RNF121: variants seen among roughly 807,000 people sequenced by gnomAD.
The protein encoded by RNF121 is ring finger protein 121.
Under a neutral mutation model 46.5 loss-of-function variants are expected in RNF121, and 21 were observed. That is an observed-to-expected ratio of 0.45 (90% CI 0.32 to 0.65). The LOEUF (loss-of-function observed/expected upper bound fraction) is 0.65, where lower values mean the gene tolerates loss of function less well. Among genes scored for constraint, RNF121 ranks in the 30% least tolerant of loss-of-function variants. RNF121 has a pLI of 0.04. For synonymous variants in RNF121, 139 were observed against 144.7 expected, an observed-to-expected ratio of 0.96 and a Z score of 0.28; for missense variants, 346 against 416.0, an observed-to-expected ratio of 0.83 and a Z score of 1.46.
At chr11:71,988,102 T>G (rs899171743) in intron 5 of RNF121, among the ~76,000 whole-genome samples, 2 of 152,200 alleles carry the variant, frequency 1.3e-5, no homozygotes, top group Non-Finnish European at 2.9e-5. Flanking sequence ...TGTTTTCAAT[T>G]TAGTATTATC....
chr11:71,933,953 G>C (rs1180362052), intron 1 of RNF121, among the ~76,000 whole-genome samples: 1 of 152,174 alleles, frequency 6.6e-6, no homozygotes, highest in Non-Finnish European at 1.5e-5. Flanking sequence ...TTGAGTTATT[G>C]GATGAAATCG....
rs1453106830 is a variant in RNF121 at position 71,994,799 on chromosome 11, C to T, written c.708C>T (p.Asp236=). 5 of 1,614,108 alleles carry T rather than the reference C, an allele frequency of 3.1e-6. No homozygotes were observed. Among genetic ancestry groups the T allele is most frequent in the Admixed American group, 1.7e-5 (1 of 60,016 alleles). The change falls in exon 7 of 9, where the codon GAC becomes GAT. Residue 236 remains aspartate (D), a synonymous_variant. Transcript: ENST00000361756. The part of the protein sequence containing the change: ...CAVCGQQIFV[D]VSEEGIIENT... ...TGTGTGGGCAGCAGATCTTTGTGGA[C>T]GTCAGTGAAGAGGGGATCATTGAGA...
chr11:71,939,876 A>G (rs1012790103), intron 1 of RNF121, among the ~76,000 whole-genome samples: 2 of 152,230 alleles, frequency 1.3e-5, no homozygotes, highest in Admixed American at 6.5e-5. Context: ...TAAAGAAGTT[A>G]TGGTCTAGTT....
chr11:71,961,964 A>G (rs1192051889), intron 3 of RNF121, among the ~76,000 whole-genome samples: 8 of 122,468 alleles, frequency 6.5e-5, no homozygotes, highest in Non-Finnish European at 4.9e-5. Flanking sequence ...TAATCTGCAA[A>G]GATTTTTTTT....
At chr11:71,965,877 T>C (rs1236875733) in intron 3 of RNF121, among the ~76,000 whole-genome samples, 1 of 152,252 alleles carries the variant, frequency 6.6e-6, no homozygotes, top group Non-Finnish European at 1.5e-5. Flanking sequence ...TCAGTATTTT[T>C]AATCTTTGTC....
rs1304348595 is a variant in RNF121 at position 71,990,505 on chromosome 11, G to A, written c.507-92G>A. 5 of 1,506,286 alleles carry A rather than the reference G, an allele frequency of 3.3e-6. No homozygotes were observed. The East Asian group carries it at 6.8e-5, about 20-fold the overall frequency. 93.3% of individuals were successfully genotyped at this position (1,506,286 alleles called of 1,614,324 possible). A position where few individuals can be genotyped will look rare whatever the true frequency, so the allele number is the denominator to read the frequency against. ...CTTGCTCTAGCCTTTGGGCCTTCTC[G>A]CTTTGGGCCCTGCCTTGTGTGTCCC... is the stretch of plus-strand genomic sequence containing the variant. On this transcript the variant is annotated intron_variant, in intron 5 of 8. Transcript: ENST00000361756.
chr11:71,984,480 C>A (rs10793013), intron 4 of RNF121, among the ~76,000 whole-genome samples: 140,460 of 152,068 alleles, frequency 0.92, 65,127 homozygotes, highest in Non-Finnish European at 0.98. Flanking sequence ...ACAGGGTTTC[C>A]CCGTGTTAGC....
intron 2 of RNF121, among the ~76,000 whole-genome samples, chr11:71,959,252 C>G (rs1565149052): frequency 6.6e-6 from 1 of 152,208 alleles, no homozygotes; most frequent in Non-Finnish European, 1.5e-5. Context: ...GCTTCCCACT[C>G]TGCCCACCAA....
chr11:71,956,647 C>A (rs1484786739), intron 1 of RNF121, among the ~76,000 whole-genome samples: 1 of 152,238 alleles, frequency 6.6e-6, no homozygotes, highest in Non-Finnish European at 1.5e-5. Flanking sequence ...TTTAGAGTCA[C>A]ATGGTGTTAT....
Position 71,970,292 on chromosome 11 carries a change from A to G in RNF121, c.243+9401A>G, listed in dbSNP as rs1159560806. ...GAGATCTGTTACAAAATAGTAACAGATAGTAATACATAACAGTATTGAACT... is the reference window on the plus strand; with the variant it reads ...GAGATCTGTTACAAAATAGTAACAGGTAGTAATACATAACAGTATTGAACT... On this transcript the variant is annotated intron_variant, in intron 3 of 8. Transcript: ENST00000361756. Among the ~76,000 whole-genome samples the G allele has an allele frequency of 2.0e-5, 3 of 152,248 alleles. No homozygotes were observed. In the South Asian group the frequency reaches 6.2e-4, roughly 32 times the overall value.
At chr11:71,931,544 C>T (rs1287255209) in intron 1 of RNF121, among the ~76,000 whole-genome samples, 2 of 152,098 alleles carry the variant, frequency 1.3e-5, no homozygotes, top group African/African-American at 2.4e-5. Context: ...AGGTGAAATC[C>T]GTCTTTAATA....
rs543621604 is a variant in RNF121, at chr11:71,966,428, C to T, written c.243+5537C>T. Among the ~76,000 whole-genome samples, 5 of 152,126 alleles carry T rather than the reference C, an allele frequency of 3.3e-5. No homozygotes were observed. In the South Asian group the frequency reaches 6.2e-4, roughly 19 times the overall value. On this transcript the variant is annotated intron_variant, in intron 3 of 8. Coordinates refer to ENST00000361756, the MANE Select transcript of RNF121 (RefSeq NM_018320.5). ...TGGTCCCCTGCCCAACTCTGTCAGTCGCTGATTCTTCTGTGGCAACTACTT... is the reference window on the plus strand; with the variant it reads ...TGGTCCCCTGCCCAACTCTGTCAGTTGCTGATTCTTCTGTGGCAACTACTT...
intron 5 of RNF121, among the ~76,000 whole-genome samples, chr11:71,989,727 T>C (rs1279824741): frequency 3.9e-5 from 6 of 152,322 alleles, no homozygotes; most frequent in African/African-American, 1.4e-4. Context: ...GGCAAGATCT[T>C]TATCCTTCTT....
At chr11:71,934,880 G>A (rs967678357) in intron 1 of RNF121, among the ~76,000 whole-genome samples, 4 of 151,868 alleles carry the variant, frequency 2.6e-5, no homozygotes, top group Admixed American at 1.3e-4. Flanking sequence ...AGTGCTGAGG[G>A]TGAAATAATA....
intron 6 of RNF121, among the ~76,000 whole-genome samples, chr11:71,993,293 C>G (rs1203710221): frequency 6.6e-6 from 1 of 152,210 alleles, no homozygotes; most frequent in East Asian, 1.9e-4. Flanking sequence ...TTGCAGTGTT[C>G]TGCAACATTT....
intron 5 of RNF121, among the ~76,000 whole-genome samples, chr11:71,989,392 G>A (rs1223141041): frequency 6.6e-6 from 1 of 152,138 alleles, no homozygotes; most frequent in East Asian, 1.9e-4. Flanking sequence ...TCTGCATTAA[G>A]TTTTAAAGAT....
At chr11:71,931,835 T>C (rs1953283612) in intron 1 of RNF121, among the ~76,000 whole-genome samples, 1 of 152,214 alleles carries the variant, frequency 6.6e-6, no homozygotes, top group Non-Finnish European at 1.5e-5. Flanking sequence ...GCATTAATAT[T>C]GCCCCCTGTG....
rs778568751 is a variant in RNF121, at chr11:71,929,099, C to G, written c.38C>G (p.Ala13Gly). ...AVVEVEVGGG[A>G]AGERELDEVD... ...GTGGAGGTGGAGGTTGGAGGTGGTG[C>G]TGCTGGGGAACGGGAGCTGGATGAG... Residue 13 changes from alanine to glycine, a missense_variant, in exon 1 of 9, where the codon GCT (alanine) becomes GGT (glycine). Transcript: ENST00000361756. The G allele has an allele frequency of 3.9e-6, 6 of 1,551,522 alleles. No homozygotes were observed. Among genetic ancestry groups the G allele is most frequent in the East Asian group, 2.4e-5 (1 of 40,934 alleles).
chr11:71,936,303 C>T (rs917493386), intron 1 of RNF121, among the ~76,000 whole-genome samples: 19 of 152,178 alleles, frequency 1.2e-4, no homozygotes, highest in African/African-American at 4.1e-4. Flanking sequence ...GTCAAAACCT[C>T]ATGCTCTGGC....
Sources: allele counts gnomAD v4.1 joint callset (sites outside exome capture counted in the v4.1 genomes callset), GRCh38; gene constraint gnomAD v4.1.1; transcripts MANE v1.5; gene names NCBI Gene and HGNC (gene_info 2026-07-23, HGNC 2026-07-21).